TMEM51: variants seen among roughly 807,000 people sequenced by gnomAD.
The protein encoded by TMEM51 is chromosome 1 open reading frame 72.
TMEM51 carries 8 observed loss-of-function variants against 13.6 expected under a neutral mutation model. That is an observed-to-expected ratio of 0.59 (90% CI 0.35 to 1.07). TMEM51 has a LOEUF of 1.07. Among genes scored for constraint, TMEM51 ranks in the 50% least tolerant of loss-of-function variants. TMEM51 has a pLI of 0.02. For synonymous variants in TMEM51, 147 were observed against 144.4 expected (o/e 1.02, Z -0.13); for missense variants, 279 against 330.7 (o/e 0.84, Z 1.21).
chr1:15,159,652 G>A lies in TMEM51; in HGVS notation c.-267+5698G>A, dbSNP rs545518535. ...GCTCACAGCAACCTCCACCTCCCAGGTTCAAGCGATTCTCCTACCTCAGCC... is the reference window on the plus strand; with the variant it reads ...GCTCACAGCAACCTCCACCTCCCAGATTCAAGCGATTCTCCTACCTCAGCC... On this transcript the variant is annotated intron_variant, in intron 1 of 3. Coordinates refer to ENST00000376008, the MANE Select transcript of TMEM51 (RefSeq NM_001136218.2). Among the ~76,000 whole-genome samples the A allele has an allele frequency of 1.6e-4, 25 of 152,222 alleles. No individual in the cohort carries two copies. In the South Asian group the frequency reaches 4.3e-3, roughly 26 times the overall value.
At chr1:15,191,983 G>A (rs895463493) in intron 1 of TMEM51, 2 of 533,318 alleles carry the variant, frequency 3.8e-6, no homozygotes, top group African/African-American at 3.9e-5. Flanking sequence ...GTCTACAACA[G>A]TCAGGTCATC....
intron 1 of TMEM51, among the ~76,000 whole-genome samples, chr1:15,201,943 C>T (rs1269577607): frequency 6.6e-6 from 1 of 152,190 alleles, no homozygotes; most frequent in African/African-American, 2.4e-5. Flanking sequence ...GTCTGCTTCA[C>T]GTACCTCGAC....
At position 15,161,711 on chromosome 1, in the gene TMEM51, G is replaced by A. The variant is rs1054947810; in HGVS notation, c.-267+7757G>A. 6.6e-6 allele frequency among the ~76,000 whole-genome samples: 1 copy of A among 151,866 alleles called. No homozygotes were observed. The highest frequency in any genetic ancestry group is 2.4e-5 in the African/African-American group (1 of 41,208). On this transcript the variant is annotated intron_variant, in intron 1 of 3. Transcript: ENST00000376008. The surrounding 1 kb of genome is among the most constrained non-coding windows in gnomAD (Gnocchi z 4.0). ...CCCAGCACTTTGGGAAACCGAGGCAGGCAGATCACGAGATCGAGACCATCC... is the reference window on the plus strand; with the variant it reads ...CCCAGCACTTTGGGAAACCGAGGCAAGCAGATCACGAGATCGAGACCATCC...
chr1:15,189,573 T>C (rs6429725), intron 1 of TMEM51, among the ~76,000 whole-genome samples: 91,566 of 152,042 alleles, frequency 0.6, 28,281 homozygotes, highest in East Asian at 0.93. Context: ...GAACACTCAC[T>C]GATCTACCAG....
intron 1 of TMEM51, among the ~76,000 whole-genome samples, chr1:15,194,002 A>G (rs1367477506): frequency 6.6e-6 from 1 of 151,828 alleles, no homozygotes; most frequent in African/African-American, 2.4e-5. Context: ...ATTCCACTAT[A>G]CCACTATGCT....
At chr1:15,155,324 G>A (rs1194333167) in intron 1 of TMEM51, among the ~76,000 whole-genome samples, 1 of 152,186 alleles carries the variant, frequency 6.6e-6, no homozygotes, top group African/African-American at 2.4e-5. Context: ...GGATACTCAT[G>A]AAAAGTGTTG....
chr1:15,212,968 C>A (rs951072402), intron 2 of TMEM51, among the ~76,000 whole-genome samples: 2 of 152,242 alleles, frequency 1.3e-5, no homozygotes, highest in African/African-American at 4.8e-5. Context: ...CGTGCACATA[C>A]ACAGTGCTGT....
At chr1:15,179,748 C>T (rs1283171685) in intron 1 of TMEM51, among the ~76,000 whole-genome samples, 2 of 152,210 alleles carry the variant, frequency 1.3e-5, no homozygotes, top group African/African-American at 4.8e-5. Context: ...TGCCATTGTA[C>T]TCCAGCCTGG....
chr1:15,202,137 C>T (rs184802901), intron 1 of TMEM51, among the ~76,000 whole-genome samples: 26 of 152,252 alleles, frequency 1.7e-4, no homozygotes, highest in East Asian at 1.5e-3. Flanking sequence ...AAACTTGGCT[C>T]GTTAGCAGAA....
chr1:15,171,147 G>A (rs1312967519), intron 1 of TMEM51: 1 of 1,300,324 alleles, frequency 7.7e-7, no homozygotes. Context: ...GATTCAGTAG[G>A]TCTGAGTGGG....
chr1:15,209,086 T>C (rs1261239597), intron 1 of TMEM51, among the ~76,000 whole-genome samples: 1 of 151,986 alleles, frequency 6.6e-6, no homozygotes, highest in Non-Finnish European at 1.5e-5. Flanking sequence ...TCTATGTTTG[T>C]TGAGACAGGG....
chr1:15,186,170 C>T (rs1643767024), intron 1 of TMEM51, among the ~76,000 whole-genome samples: 1 of 152,056 alleles, frequency 6.6e-6, no homozygotes, highest in African/African-American at 2.4e-5. Flanking sequence ...TTTCCCAAAC[C>T]CCTCAGGTTG....
At chr1:15,157,542 CAG>C (rs1387311014) in intron 1 of TMEM51, among the ~76,000 whole-genome samples, 1 of 152,140 alleles carries the variant, frequency 6.6e-6, no homozygotes, top group Admixed American at 6.5e-5. Flanking sequence ...AAAAACAAAA[CAG>C]GGCACCCTCC....
At chr1:15,198,920 T>C (rs1644101471) in intron 1 of TMEM51, among the ~76,000 whole-genome samples, 1 of 152,188 alleles carries the variant, frequency 6.6e-6, no homozygotes, top group Admixed American at 6.5e-5. Flanking sequence ...GTCAACCCCG[T>C]TTCCGGCCCT....
At chr1:15,163,457 A>T (rs532409082) in intron 1 of TMEM51, among the ~76,000 whole-genome samples, 10 of 151,596 alleles carry the variant, frequency 6.6e-5, no homozygotes, top group African/African-American at 2.2e-4. Flanking sequence ...TTCCACCCCC[A>T]CCTACCTCGT....
intron 1 of TMEM51, among the ~76,000 whole-genome samples, chr1:15,198,574 C>T (rs540416607): frequency 2.6e-5 from 4 of 152,096 alleles, no homozygotes; most frequent in Admixed American, 1.3e-4. Context: ...TCCGCCACCA[C>T]GCCTGGCTAA....
intron 1 of TMEM51, among the ~76,000 whole-genome samples, chr1:15,208,856 T>A (rs1231079837): frequency 6.6e-6 from 1 of 151,810 alleles, no homozygotes; most frequent in Non-Finnish European, 1.5e-5. Context: ...GGCCAAGGAG[T>A]TTGGATTTTA....
At chr1:15,205,224 T>A (rs1052648954) in intron 1 of TMEM51, among the ~76,000 whole-genome samples, 1 of 152,216 alleles carries the variant, frequency 6.6e-6, no homozygotes, top group Non-Finnish European at 1.5e-5. Context: ...GATGAACTTG[T>A]CTTCCTTAAT....
intron 1 of TMEM51, among the ~76,000 whole-genome samples, chr1:15,205,825 G>A (rs539570616): frequency 6.6e-6 from 1 of 152,086 alleles, no homozygotes. Flanking sequence ...AGGCAGAATC[G>A]CCTGTCTTCC....
Sources: allele counts gnomAD v4.1 joint callset (sites outside exome capture counted in the v4.1 genomes callset), GRCh38; gene constraint gnomAD v4.1.1; non-coding constraint Gnocchi (gnomAD v3.1); transcripts MANE v1.5; gene names NCBI Gene and HGNC (gene_info 2026-07-23, HGNC 2026-07-21).